The following SORCS2 variants were observed in gnomAD, a reference collection of about 807,000 sequenced individuals.
SORCS2 encodes VPS10 domain-containing receptor SorCS2.
Under a neutral mutation model 141.6 loss-of-function variants are expected in SORCS2, and 100 were observed. The observed-to-expected ratio is 0.71, with a 90% CI of 0.60 to 0.83. The LOEUF (loss-of-function observed/expected upper bound fraction) is 0.83, where lower values mean the gene tolerates loss of function less well. Among genes scored for constraint, SORCS2 ranks in the 40% least tolerant of loss-of-function variants. SORCS2 has a pLI of 0.00. For synonymous variants in SORCS2, 789 were observed against 676.9 expected (o/e 1.17, Z -2.57); for missense variants, 1,646 against 1,560.2 (o/e 1.05, Z -0.93).
intron 1 of SORCS2, among the ~76,000 whole-genome samples, chr4:7,246,920 G>A (rs771047036): frequency 7.9e-5 from 12 of 152,182 alleles, no homozygotes; most frequent in Admixed American, 1.3e-4. Flanking sequence ...TCCTCCCTCC[G>A]TCCAGGCTCT....
chr4:7,490,668 G>A (rs1254390382), intron 2 of SORCS2, among the ~76,000 whole-genome samples: 9 of 152,154 alleles, frequency 5.9e-5, no homozygotes, highest in Non-Finnish European at 1.3e-4. Flanking sequence ...TGCACCGTCC[G>A]TCCTGGCCCC....
intron 1 of SORCS2, among the ~76,000 whole-genome samples, chr4:7,303,834 G>A (rs996062285): frequency 6.6e-6 from 1 of 152,262 alleles, no homozygotes; most frequent in African/African-American, 2.4e-5. Flanking sequence ...AGAGCTCACC[G>A]TCCAGGCAGG....
At chr4:7,481,867 T>G (rs1017606256) in intron 2 of SORCS2, among the ~76,000 whole-genome samples, 1 of 151,856 alleles carries the variant, frequency 6.6e-6, no homozygotes, top group African/African-American at 2.4e-5. Flanking sequence ...TGGTTCTGCC[T>G]CTCCCCGCTC....
chr4:7,526,909 T>C (rs1291741128), intron 2 of SORCS2, among the ~76,000 whole-genome samples: 1 of 152,278 alleles, frequency 6.6e-6, no homozygotes, highest in Non-Finnish European at 1.5e-5. Flanking sequence ...GATGTCAACA[T>C]GTAATCAATA....
intron 3 of SORCS2, among the ~76,000 whole-genome samples, chr4:7,543,489 ATCCATCCAT>A (rs1234998646): frequency 6.0e-5 from 1 of 16,686 alleles, no homozygotes; most frequent in African/African-American, 1.0e-4. Flanking sequence ...TCACCCACTC[ATCCATCCAT>A]CCATCCATCC....
chr4:7,433,282 G>A (rs59409649), intron 2 of SORCS2: 231,106 of 1,354,960 alleles, frequency 0.17, 21,249 homozygotes, highest in Middle Eastern at 0.29. Flanking sequence ...CATGGGCCTC[G>A]CTAGCAGGCT....
intron 21 of SORCS2, among the ~76,000 whole-genome samples, chr4:7,727,180 G>T (rs566977341): frequency 1.3e-5 from 2 of 152,322 alleles, no homozygotes; most frequent in African/African-American, 4.8e-5. Context: ...CAGGGACAAG[G>T]TCACCCAGCA....
chr4:7,625,865 G>A (rs1014023006), intron 3 of SORCS2, among the ~76,000 whole-genome samples: 4 of 152,146 alleles, frequency 2.6e-5, no homozygotes, highest in Non-Finnish European at 2.9e-5. Context: ...TAGGCTGGGC[G>A]CGGTGGCTCA....
At chr4:7,433,873 C>T (rs1196323883) in intron 2 of SORCS2, 1 of 1,613,906 alleles carries the variant, frequency 6.2e-7, no homozygotes, top group African/African-American at 1.3e-5. Flanking sequence ...CAAGATGATG[C>T]ACTCCTTCGT....
chr4:7,651,789 G>C (rs1560457112), intron 4 of SORCS2, among the ~76,000 whole-genome samples: 1 of 152,242 alleles, frequency 6.6e-6, no homozygotes, highest in Non-Finnish European at 1.5e-5. Context: ...TGCATTCCAA[G>C]GGATGGGCCA....
At chr4:7,578,326 C>T (rs1577782099) in intron 3 of SORCS2, among the ~76,000 whole-genome samples, 1 of 152,232 alleles carries the variant, frequency 6.6e-6, no homozygotes, top group East Asian at 1.9e-4. Context: ...AATAAATTAC[C>T]CGGTGTCAGA....
At chr4:7,434,694 CAG>C (rs1393091164) in intron 2 of SORCS2, 5 of 1,612,870 alleles carry the variant, frequency 3.1e-6, no homozygotes, top group Non-Finnish European at 4.2e-6. Flanking sequence ...CGTCGCAGGG[CAG>C]AGACTTCGCG....
At position 7,654,149 on chromosome 4, in the gene SORCS2, G is replaced by T; in HGVS notation, c.829G>T (p.Asp277Tyr). The T allele has an allele frequency of 6.3e-7, 1 of 1,580,612 alleles. No homozygotes were observed. Among genetic ancestry groups the T allele is most frequent in the Non-Finnish European group, 8.6e-7 (1 of 1,161,864 alleles). Residue 277 changes from aspartate to tyrosine, a missense_variant, in exon 5 of 27, where the codon GAC becomes TAC. Coordinates refer to ENST00000507866, the MANE Select transcript of SORCS2 (RefSeq NM_020777.3). ...TGCCCTAAAGCTCTACGTGTCATCTGACTTGGGGAAAAAGTGGACACTTCT... is the reference window on the plus strand; with the variant it reads ...TGCCCTAAAGCTCTACGTGTCATCTTACTTGGGGAAAAAGTGGACACTTCT... The part of the protein sequence containing the change: ...TKESKLYVSS[D>Y]LGKKWTLLQE...
chr4:7,734,200 CGGGAT>C, intron 24 of SORCS2, 67 bp from the exon 25 acceptor site: 1 of 975,314 alleles, frequency 1.0e-6, no homozygotes, highest in South Asian at 1.5e-5. Context: ...GGGGGACAGA[CGGGAT>C]GGGCTGGGGA....
intron 16 of SORCS2, among the ~76,000 whole-genome samples, chr4:7,714,762 C>T (rs556743784): frequency 6.6e-6 from 1 of 152,186 alleles, no homozygotes; most frequent in Non-Finnish European, 1.5e-5. Flanking sequence ...TGTGACTGCC[C>T]AGTGCCCACA....
At chr4:7,692,858 C>T (rs1032010524) in intron 11 of SORCS2, among the ~76,000 whole-genome samples, 2 of 152,114 alleles carry the variant, frequency 1.3e-5, no homozygotes, top group South Asian at 2.1e-4. Flanking sequence ...GTCTCGAGCT[C>T]GAGGAGATGC....
At position 7,546,335 on chromosome 4, in the gene SORCS2, G is replaced by A. The variant is rs556805179; in HGVS notation, c.648+14706G>A. Among the ~76,000 whole-genome samples the A allele has an allele frequency of 3.9e-5, 6 of 152,206 alleles. No homozygotes were observed. In the South Asian group the frequency reaches 6.2e-4, roughly 16 times the overall value. ...GTGTCTTCTCCCCTTCCCCGGCACC[G>A]GCGGGGCTTGCTAGTGGCAAAGCTC... On this transcript the variant is annotated intron_variant, in intron 3 of 26. Coordinates refer to ENST00000507866, the MANE Select transcript of SORCS2 (RefSeq NM_020777.3).
intron 1 of SORCS2, among the ~76,000 whole-genome samples, chr4:7,207,981 C>T (rs541020395): frequency 6.6e-6 from 1 of 152,230 alleles, no homozygotes; most frequent in Non-Finnish European, 1.5e-5. Flanking sequence ...ACTTCTGGGA[C>T]TTGTCTGGGG....
At chr4:7,228,690 C>T (rs941236672) in intron 1 of SORCS2, among the ~76,000 whole-genome samples, 10 of 152,170 alleles carry the variant, frequency 6.6e-5, no homozygotes, top group African/African-American at 1.9e-4. Context: ...GGATCCACTT[C>T]AGGACCCGCA....
Sources: allele counts gnomAD v4.1 joint callset (sites outside exome capture counted in the v4.1 genomes callset), GRCh38; gene constraint gnomAD v4.1.1; transcripts MANE v1.5; gene names NCBI Gene and HGNC (gene_info 2026-07-23, HGNC 2026-07-21).